Variants in SLC6A2 observed in about 807,000 individuals in gnomAD.
The protein encoded by SLC6A2 is sodium-dependent noradrenaline transporter.
A neutral mutation model predicts 71.7 loss-of-function variants in SLC6A2; 26 were observed. The observed-to-expected ratio is 0.36, with a 90% CI of 0.27 to 0.50. The LOEUF is 0.50. SLC6A2 is among the 20% of genes least tolerant of loss of function. SLC6A2 has a pLI of 0.96. For missense variants in SLC6A2, 581 were observed against 803.9 expected (o/e 0.72, Z 3.35); for synonymous variants, 363 against 337.9 (o/e 1.07, Z -0.82).
In SLC6A2 at chr16:55,702,178, G is replaced by A. The variant is rs1476496089; in HGVS notation, c.1831-145G>A. 8.8e-6 allele frequency: 8 copies of A among 905,464 alleles called. No homozygotes were observed. In the Middle Eastern group the frequency reaches 6.5e-4, roughly 73 times the overall value. The allele number at this position is 905,464 out of a possible 1,614,324, so 56.1% of individuals were successfully genotyped here. ...CTTTCTGGGCCTCTGTGACAATTAG[G>A]GAATCAACTTGCACGTTCCCTGAGG... is the stretch of plus-strand genomic sequence containing the variant. On this transcript the variant is annotated intron_variant, in intron 14 of 14. Transcript: ENST00000568943.
intron 4 of SLC6A2, among the ~76,000 whole-genome samples, chr16:55,679,926 AG>A (rs1965217343): frequency 2.0e-5 from 3 of 152,188 alleles, no homozygotes; most frequent in Admixed American, 2.0e-4. Context: ...GTTGGGGGAC[AG>A]GGGTGCACAC....
At chr16:55,693,895 A>G in intron 6 of SLC6A2, 115 bp from the exon 7 acceptor site, 1 of 798,624 alleles carries the variant, frequency 1.3e-6, no homozygotes, top group South Asian at 1.4e-5. Flanking sequence ...TCTGGTTCAG[A>G]CCATGTTTCC....
intron 5 of SLC6A2, among the ~76,000 whole-genome samples, chr16:55,690,298 A>C (rs1965576132): frequency 6.6e-6 from 1 of 152,222 alleles, no homozygotes; most frequent in African/African-American, 2.4e-5. Flanking sequence ...ACTTCTAAGG[A>C]GCTCATGATC....
chr16:55,702,055 C>G, intron 14 of SLC6A2, 121 bp downstream of exon 14: 2 of 847,844 alleles, frequency 2.4e-6, no homozygotes, highest in Non-Finnish European at 4.0e-6. Context: ...GTGTGAGCTG[C>G]CTTTTCCCCT....
In SLC6A2 at chr16:55,703,302, G is replaced by C. The variant is rs867010393; in HGVS notation, c.*956G>C. 4.3e-5 allele frequency: 42 copies of C among 985,370 alleles called. No homozygotes were observed. The highest frequency in any genetic ancestry group is 6.1e-5 in the Admixed American group (1 of 16,274). 61.0% of individuals were successfully genotyped at this position (985,370 alleles called of 1,614,324 possible). On this transcript the variant is annotated 3_prime_UTR_variant, in exon 15 of 15. Coordinates refer to ENST00000568943, the MANE Select transcript of SLC6A2 (RefSeq NM_001172501.3). ...TCACAAGGCCAGGTGGGTGCCCAAA[G>C]GGAGCCTGACAGGCTGTTGTGTTAA...
chr16:55,702,257 G>A lies in SLC6A2; in HGVS notation c.1831-66G>A, dbSNP rs766471112. 5 of 1,520,746 alleles carry A rather than the reference G, an allele frequency of 3.3e-6. No individual in the cohort carries two copies. The South Asian group carries it at 4.5e-5, about 14-fold the overall frequency. The allele number at this position is 1,520,746 out of a possible 1,614,324, so 94.2% of individuals were successfully genotyped here. A position where few individuals can be genotyped will look rare whatever the true frequency, so the allele number is the denominator to read the frequency against. On this transcript the variant is annotated intron_variant, in intron 14 of 14. Coordinates refer to ENST00000568943, the MANE Select transcript of SLC6A2 (RefSeq NM_001172501.3). The stretch of plus-strand genomic sequence containing the variant: ...CTTCTCTCTACCTCCTGCTGCCCCC[G>A]CCAGCTGGCCCTTGCTCCTTTCTGT...
In SLC6A2 at chr16:55,703,161, G is replaced by A. The variant is rs1306231281; in HGVS notation, c.*815G>A. The A allele has an allele frequency of 7.1e-6, 7 of 985,246 alleles. No individual in the cohort carries two copies. Among genetic ancestry groups the A allele is most frequent in the Non-Finnish European group, 8.4e-6 (7 of 829,874 alleles). 61.0% of individuals were successfully genotyped at this position (985,246 alleles called of 1,614,324 possible). ...GCCACATCTACTGAGGCCTCATGCT[G>A]CTCTTGCTCTGTAAGACACGGAGCC... is the stretch of plus-strand genomic sequence containing the variant. On this transcript the variant is annotated 3_prime_UTR_variant, in exon 15 of 15. Transcript: ENST00000568943.
At chr16:55,690,237 A>G (rs1232034340) in intron 5 of SLC6A2, among the ~76,000 whole-genome samples, 1 of 152,110 alleles carries the variant, frequency 6.6e-6, no homozygotes, top group East Asian at 1.9e-4. Context: ...ATTTATTTGG[A>G]CTCACATGTG....
chr16:55,663,850 A>G lies in SLC6A2; in HGVS notation c.275-5715A>G, dbSNP rs974522958. Reference sequence around the variant, plus strand: ...CTTTTCTTTCTTGGAGCTGGCAGTAACAAAATTCTCTGACCCACTTTCTAA... The same window carrying G: ...CTTTTCTTTCTTGGAGCTGGCAGTAGCAAAATTCTCTGACCCACTTTCTAA... On this transcript the variant is annotated intron_variant, in intron 2 of 14. Coordinates refer to ENST00000568943, the MANE Select transcript of SLC6A2 (RefSeq NM_001172501.3). 3.3e-5 allele frequency among the ~76,000 whole-genome samples: 5 copies of G among 152,086 alleles called. No individual in the cohort carries two copies. In the South Asian group the frequency reaches 1.0e-3, roughly 32 times the overall value.
At chr16:55,702,003 T>G in intron 14 of SLC6A2, 69 bp downstream of exon 14, 1 of 1,154,524 alleles carries the variant, frequency 8.7e-7, no homozygotes, top group Non-Finnish European at 1.3e-6. Context: ...TGCTGTGCAC[T>G]GCCCAAGGCT....
chr16:55,664,888 C>G (rs762226040), intron 2 of SLC6A2, among the ~76,000 whole-genome samples: 2 of 152,176 alleles, frequency 1.3e-5, no homozygotes, highest in Non-Finnish European at 2.9e-5. Flanking sequence ...CCAGCACACT[C>G]CCCATACGAA....
rs1055217434 is a variant in SLC6A2 at position 55,669,743 on chromosome 16, C to A, written c.406+47C>A. 9.9e-6 allele frequency: 16 copies of A among 1,609,576 alleles called. No homozygotes were observed. The Admixed American group carries it at 1.0e-4, about 10-fold the overall frequency. ...GTCACGGTTGTTCATAAAGGCTTCC[C>A]TGTTGCCCTTGGGGAATCTGCTCCA... On this transcript the variant is annotated intron_variant, in intron 3 of 14. Coordinates refer to ENST00000568943, the MANE Select transcript of SLC6A2 (RefSeq NM_001172501.3).
chr16:55,656,810 G>T lies in SLC6A2; in HGVS notation c.116G>T (p.Arg39Leu), dbSNP rs746225269. The T allele has an allele frequency of 9.9e-6, 16 of 1,613,358 alleles. No individual in the cohort carries two copies. Among genetic ancestry groups the T allele is most frequent in the Non-Finnish European group, 1.1e-5 (13 of 1,179,736 alleles). The change falls in exon 2 of 15, where the codon CGC becomes CTC. Residue 39 changes from arginine (R) to leucine (L), a missense_variant. Transcript: ENST00000568943. This position sits in a 1 kb window ranked among gnomAD's most constrained non-coding sequence, Gnocchi z 4.5. ...KTAELLVVKE[R>L]NGVQCLLAPR... Reference sequence around the variant, plus strand: ...GCGGAGCTGCTGGTGGTGAAGGAGCGCAACGGCGTCCAGTGCCTGCTGGCG... The same window carrying T: ...GCGGAGCTGCTGGTGGTGAAGGAGCTCAACGGCGTCCAGTGCCTGCTGGCG...
At chr16:55,664,128 A>T (rs1224992889) in intron 2 of SLC6A2, among the ~76,000 whole-genome samples, 1 of 152,136 alleles carries the variant, frequency 6.6e-6, no homozygotes, top group African/African-American at 2.4e-5. Context: ...GAGGTTCCTG[A>T]GTAGGAAATG....
At position 55,703,021 on chromosome 16, in the gene SLC6A2, T is replaced by C; in HGVS notation, c.*675T>C. ...TGTTCTGGAACATTCCTCCAGCTTTTGGTGGTCAGATGGCCCAGAGATATG... is the reference window on the plus strand; with the variant it reads ...TGTTCTGGAACATTCCTCCAGCTTTCGGTGGTCAGATGGCCCAGAGATATG... On this transcript the variant is annotated 3_prime_UTR_variant, in exon 15 of 15. Coordinates refer to ENST00000568943, the MANE Select transcript of SLC6A2 (RefSeq NM_001172501.3). The C allele has an allele frequency of 1.0e-6, 1 of 986,746 alleles. No individual in the cohort carries two copies. Among genetic ancestry groups the C allele is most frequent in the Non-Finnish European group, 1.2e-6 (1 of 830,892 alleles). 61.1% of individuals were successfully genotyped at this position (986,746 alleles called of 1,614,324 possible). A position where few individuals can be genotyped will look rare whatever the true frequency, so the allele number is the denominator to read the frequency against.
intron 4 of SLC6A2, among the ~76,000 whole-genome samples, chr16:55,673,004 T>C (rs1472086390): frequency 6.6e-6 from 1 of 152,254 alleles, no homozygotes; most frequent in African/African-American, 2.4e-5. Flanking sequence ...ATTGATACAC[T>C]GTTAGCTAAC....
intron 3 of SLC6A2, 85 bp downstream of exon 3, chr16:55,669,781 A>G (rs1964853648): frequency 4.2e-6 from 6 of 1,441,368 alleles, no homozygotes. Context: ...GGTGAGATCT[A>G]AGGTAGACCT....
chr16:55,657,856 G>A (rs1338419639), intron 2 of SLC6A2, among the ~76,000 whole-genome samples: 3 of 152,166 alleles, frequency 2.0e-5, no homozygotes, highest in South Asian at 2.1e-4. Context: ...CCAGGGAAGC[G>A]GTCTGGAAGT....
In SLC6A2 at chr16:55,705,270, T is replaced by G; in HGVS notation, c.*2924T>G. ...TACCAACTCTTGCCAGATATCCTGC[T>G]GAACAGAAATCCCTGAAGCTGCCTT... On this transcript the variant is annotated 3_prime_UTR_variant, in exon 15 of 15. Coordinates refer to ENST00000568943, the MANE Select transcript of SLC6A2 (RefSeq NM_001172501.3). The G allele has an allele frequency of 6.5e-7, 1 of 1,534,874 alleles. No individual in the cohort carries two copies. Among genetic ancestry groups the G allele is most frequent in the Non-Finnish European group, 8.7e-7 (1 of 1,145,780 alleles).
Sources: gnomAD v4.1 joint callset for allele counts (sites outside exome capture counted in the v4.1 genomes callset) on GRCh38, gnomAD v4.1.1 for gene constraint, Gnocchi (gnomAD v3.1) non-coding constraint, MANE v1.5 for transcripts, NCBI Gene and HGNC (gene_info 2026-07-23, HGNC 2026-07-21) for gene names.